POU2AF1: variants seen among roughly 807,000 people sequenced by gnomAD.
POU2AF1 encodes POU class 2 homeobox associating factor 1, also known as POU domain class 2-associating factor 1.
In POU2AF1, 12 loss-of-function variants were observed where a neutral mutation model predicts 26.3. The observed-to-expected ratio is 0.46, with a 90% CI of 0.29 to 0.74. The LOEUF (loss-of-function observed/expected upper bound fraction) is 0.74, where lower values mean the gene tolerates loss of function less well. Among genes scored for constraint, POU2AF1 ranks in the 30% least tolerant of loss-of-function variants. POU2AF1 has a pLI of 0.09. For missense variants in POU2AF1, 297 were observed against 334.5 expected (o/e 0.89, Z 0.87); for synonymous variants, 175 against 148.0 (o/e 1.18, Z -1.32).
At chr11:111,374,733 A>G (rs187009623) in intron 1 of POU2AF1, among the ~76,000 whole-genome samples, 40 of 152,328 alleles carry the variant, frequency 2.6e-4, no homozygotes, top group African/African-American at 9.1e-4. Flanking sequence ...CAACTTGGTA[A>G]GAAGTAAAGG....
intron 1 of POU2AF1, 145 bp downstream of exon 1, chr11:111,379,017 C>CCCCCCCCCCCCGG: frequency 2.1e-6 from 1 of 473,278 alleles, no homozygotes; most frequent in Non-Finnish European, 3.9e-6. Flanking sequence ...CCTCCCCCCT[C>CCCCCCCCCCCCGG]CCTGCTCCGG....
intron 2 of POU2AF1, 28 bp downstream of exon 2, chr11:111,358,758 ACT>A: frequency 1.3e-6 from 2 of 1,549,582 alleles, no homozygotes; most frequent in Non-Finnish European, 1.7e-6. Flanking sequence ...ACACACACAC[ACT>A]CACACTCTCA....
In POU2AF1 at chr11:111,379,258, C is replaced by G; in HGVS notation, c.-81G>C. On this transcript the variant is annotated 5_prime_UTR_variant, in exon 1 of 5. Coordinates refer to ENST00000393067, the MANE Select transcript of POU2AF1 (RefSeq NM_006235.3). ...ATGTGAGACCGGGGTGTGTTTTCCT[C>G]CAGTGGAGCCACCGCTTGAGCTGAG... The G allele has an allele frequency of 6.4e-7, 1 of 1,562,602 alleles. No homozygotes were observed. Among genetic ancestry groups the G allele is most frequent in the Non-Finnish European group, 8.8e-7 (1 of 1,133,226 alleles).
At chr11:111,360,130 G>T (rs983127620) in intron 1 of POU2AF1, 1 of 483,674 alleles carries the variant, frequency 2.1e-6, no homozygotes, top group Non-Finnish European at 4.1e-6. Flanking sequence ...AAAAGCAGCC[G>T]TGGCTGGGAA....
intron 1 of POU2AF1, among the ~76,000 whole-genome samples, chr11:111,375,874 A>T (rs978187444): frequency 1.3e-5 from 2 of 152,250 alleles, no homozygotes; most frequent in African/African-American, 4.8e-5. Context: ...GACAATATTC[A>T]AATGATAGAC....
chr11:111,373,523 T>G (rs184543185), intron 1 of POU2AF1, among the ~76,000 whole-genome samples: 1 of 152,338 alleles, frequency 6.6e-6, no homozygotes, highest in Admixed American at 6.5e-5. Context: ...ATTAAGGACT[T>G]CTGATTTTAA....
At chr11:111,372,092 G>T (rs1861225083) in intron 1 of POU2AF1, among the ~76,000 whole-genome samples, 1 of 101,254 alleles carries the variant, frequency 9.9e-6, no homozygotes, top group African/African-American at 3.4e-5. Context: ...AGAGAGAGAT[G>T]AAGGAGCAGC....
intron 1 of POU2AF1, among the ~76,000 whole-genome samples, chr11:111,369,941 T>C (rs1355005671): frequency 6.6e-6 from 1 of 152,178 alleles, no homozygotes; most frequent in African/African-American, 2.4e-5. Context: ...ATTCAAGCAA[T>C]ATCTAATTTT....
Position 111,353,305 on chromosome 11 carries a change from A to T in POU2AF1, c.*956T>A, listed in dbSNP as rs1158517705. ...TATTGTTCTTCTTAATAACCAAGTA[A>T]TCTGGAGCCAAGTCATTCCTCAGCC... On this transcript the variant is annotated 3_prime_UTR_variant, in exon 5 of 5. Coordinates refer to ENST00000393067, the MANE Select transcript of POU2AF1 (RefSeq NM_006235.3). 4.3e-6 allele frequency: 1 copy of T among 233,484 alleles called. No individual in the cohort carries two copies. The highest frequency in any genetic ancestry group is 5.6e-5 in the Admixed American group (1 of 17,768). 14.5% of individuals were successfully genotyped at this position (233,484 alleles called of 1,614,324 possible).
chr11:111,377,250 G>T (rs1861326324), intron 1 of POU2AF1, among the ~76,000 whole-genome samples: 1 of 151,396 alleles, frequency 6.6e-6, no homozygotes, highest in African/African-American at 2.4e-5. Context: ...TGTGGTGGCG[G>T]GCACCTGTAG....
chr11:111,358,635 C>G (rs1860934752), intron 2 of POU2AF1, among the ~76,000 whole-genome samples, 153 bp downstream of exon 2: 5 of 151,458 alleles, frequency 3.3e-5, no homozygotes, highest in Non-Finnish European at 4.4e-5. Flanking sequence ...CATTCTCTCT[C>G]ACACTATCAC....
In POU2AF1 at chr11:111,352,636, G is replaced by A. The variant is rs1220477459; in HGVS notation, c.*1625C>T. On this transcript the variant is annotated 3_prime_UTR_variant, in exon 5 of 5. Coordinates refer to ENST00000393067, the MANE Select transcript of POU2AF1 (RefSeq NM_006235.3). ...TTATGGACGCTTTTAAGACACTAAA[G>A]AAACCCACATGGTAAAAGGCTGGGT... 1 of 178,020 alleles carries A rather than the reference G, an allele frequency of 5.6e-6. No individual in the cohort carries two copies. Among genetic ancestry groups the A allele is most frequent in the African/African-American group, 2.4e-5 (1 of 42,276 alleles). 11.0% of individuals were successfully genotyped at this position (178,020 alleles called of 1,614,324 possible).
At chr11:111,368,209 G>A (rs1861141472) in intron 1 of POU2AF1, among the ~76,000 whole-genome samples, 1 of 152,204 alleles carries the variant, frequency 6.6e-6, no homozygotes, top group African/African-American at 2.4e-5. Flanking sequence ...ACCTGGTTTA[G>A]TAAGGCTTGA....
At chr11:111,366,381 C>T (rs1290737595) in intron 1 of POU2AF1, among the ~76,000 whole-genome samples, 2 of 152,156 alleles carry the variant, frequency 1.3e-5, no homozygotes, top group Non-Finnish European at 2.9e-5. Flanking sequence ...GGTTGGAAGA[C>T]ATGAGAGAAA....
rs1421166360 is a variant in POU2AF1 at position 111,372,047 on chromosome 11, C to CAG, written c.16+7114_16+7115insCT. ...ACACAAATACACACACACACACACA[C>CAG]ACACACACACACACACACACACAGA... On this transcript the variant is annotated intron_variant, in intron 1 of 4. Coordinates refer to ENST00000393067, the MANE Select transcript of POU2AF1 (RefSeq NM_006235.3). Among the ~76,000 whole-genome samples, 206 of 122,568 alleles carry CAG rather than the reference C, an allele frequency of 1.7e-3. 2 individuals are homozygous for CAG. The highest frequency in any genetic ancestry group is 1.5e-3 in the Admixed American group (18 of 12,016). The allele number at this position is 122,568 out of a possible 152,430, so 80.4% of individuals were successfully genotyped here. A position where few individuals can be genotyped will look rare whatever the true frequency, so the allele number is the denominator to read the frequency against.
At chr11:111,355,010 G>A (rs1344051948) in intron 4 of POU2AF1, among the ~76,000 whole-genome samples, 1 of 152,354 alleles carries the variant, frequency 6.6e-6, no homozygotes, top group East Asian at 1.9e-4. Flanking sequence ...CCTGGAAGCT[G>A]TATCTGGAAG....
At chr11:111,378,409 A>G (rs1424425536) in intron 1 of POU2AF1, among the ~76,000 whole-genome samples, 2 of 152,232 alleles carry the variant, frequency 1.3e-5, no homozygotes, top group Admixed American at 1.3e-4. Flanking sequence ...ACCTCGTGAA[A>G]AGAATGTTGT....
rs1450414114 is a variant in POU2AF1 at position 111,353,952 on chromosome 11, A to G, written c.*309T>C. On this transcript the variant is annotated 3_prime_UTR_variant, in exon 5 of 5. Coordinates refer to ENST00000393067, the MANE Select transcript of POU2AF1 (RefSeq NM_006235.3). ...AGGGAAGGAGGGAAGGAAGGGAGGG[A>G]GGAAAAGGAAGGAAGGGGTTGGAAA... is the stretch of plus-strand genomic sequence containing the variant. 2 of 276,694 alleles carry G rather than the reference A, an allele frequency of 7.2e-6. No homozygotes were observed. The highest frequency in any genetic ancestry group is 5.3e-5 in the African/African-American group (2 of 37,960). 17.1% of individuals were successfully genotyped at this position (276,694 alleles called of 1,614,324 possible). A position where few individuals can be genotyped will look rare whatever the true frequency, so the allele number is the denominator to read the frequency against.
rs1860774445 is a variant in POU2AF1, at chr11:111,353,400, T to C, written c.*861A>G. 4.3e-6 allele frequency: 1 copy of C among 233,864 alleles called. No individual in the cohort carries two copies. Among genetic ancestry groups the C allele is most frequent in the South Asian group, 1.8e-4 (1 of 5,522 alleles). The allele number at this position is 233,864 out of a possible 1,614,324, so 14.5% of individuals were successfully genotyped here. A position where few individuals can be genotyped will look rare whatever the true frequency, so the allele number is the denominator to read the frequency against. On this transcript the variant is annotated 3_prime_UTR_variant, in exon 5 of 5. Transcript: ENST00000393067. Reference sequence around the variant, plus strand: ...TCTCCAACTAAGATGCACAGCCTGTTCCCATCCCTCCTCTGTCCCTCTCTT... The same window carrying C: ...TCTCCAACTAAGATGCACAGCCTGTCCCCATCCCTCCTCTGTCCCTCTCTT...
Sources: allele counts gnomAD v4.1 joint callset (sites outside exome capture counted in the v4.1 genomes callset), GRCh38; gene constraint gnomAD v4.1.1; transcripts MANE v1.5; gene names NCBI Gene and HGNC (gene_info 2026-07-23, HGNC 2026-07-21).